Variants in MIPOL1 observed in about 807,000 individuals in gnomAD.
MIPOL1 encodes the protein mirror-image polydactyly 1.
MIPOL1 carries 57 observed loss-of-function variants against 60.9 expected under a neutral mutation model. The ratio of observed to expected loss-of-function variants is 0.94; its 90% CI spans 0.76 to 1.17. The LOEUF (loss-of-function observed/expected upper bound fraction) is 1.17, where lower values mean the gene tolerates loss of function less well. Ranked by LOEUF, MIPOL1 falls within the 50% of genes most tolerant of loss-of-function variation. The pLI is 0.00. For missense variants in MIPOL1, 551 were observed against 511.6 expected (o/e 1.08, Z -0.74); for synonymous variants, 179 against 168.8 (o/e 1.06, Z -0.47).
At chr14:37,520,010 A>G (rs1029080464) in intron 12 of MIPOL1, among the ~76,000 whole-genome samples, 7 of 152,128 alleles carry the variant, frequency 4.6e-5, no homozygotes, top group Non-Finnish European at 7.4e-5. Flanking sequence ...ATCAATCATC[A>G]TATCTATCAA....
At chr14:37,494,305 A>C (rs1327210909) in intron 11 of MIPOL1, among the ~76,000 whole-genome samples, 1 of 152,216 alleles carries the variant, frequency 6.6e-6, no homozygotes, top group African/African-American at 2.4e-5. Context: ...ACAAATTACA[A>C]GTTCTGAGAA....
intron 11 of MIPOL1, among the ~76,000 whole-genome samples, chr14:37,467,859 G>A (rs991300918): frequency 2.0e-5 from 3 of 151,872 alleles, no homozygotes; most frequent in African/African-American, 7.3e-5. Context: ...TTGAAGACCA[G>A]CCTGGCCAAC....
intron 11 of MIPOL1, among the ~76,000 whole-genome samples, chr14:37,440,718 T>C (rs2094229496): frequency 6.6e-6 from 1 of 152,216 alleles, no homozygotes; most frequent in African/African-American, 2.4e-5. Flanking sequence ...CCATTGTGGA[T>C]TGTGCTGTGA....
At chr14:37,540,284 C>T (rs1026190799) in intron 12 of MIPOL1, among the ~76,000 whole-genome samples, 2 of 152,188 alleles carry the variant, frequency 1.3e-5, no homozygotes, top group Admixed American at 6.5e-5. Flanking sequence ...ATTCATTCTT[C>T]AGTCTTTTTC....
At chr14:37,466,189 A>C (rs1022772510) in intron 11 of MIPOL1, among the ~76,000 whole-genome samples, 4 of 152,152 alleles carry the variant, frequency 2.6e-5, no homozygotes, top group Non-Finnish European at 5.9e-5. Context: ...TGTTTAGTAA[A>C]GTGAAAGGGG....
At chr14:37,303,031 T>G (rs2153429630) in intron 7 of MIPOL1, among the ~76,000 whole-genome samples, 1 of 152,072 alleles carries the variant, frequency 6.6e-6, no homozygotes, top group Non-Finnish European at 1.5e-5. Context: ...TACATGCAAT[T>G]TATGTTCATA....
At chr14:37,272,138 A>G (rs1289673573) in intron 6 of MIPOL1, among the ~76,000 whole-genome samples, 4 of 151,592 alleles carry the variant, frequency 2.6e-5, no homozygotes, top group Admixed American at 1.3e-4. Context: ...AAGATGTTTA[A>G]TAAAATATTT....
At chr14:37,238,709 G>A (rs146793410) in intron 1 of MIPOL1, among the ~76,000 whole-genome samples, 1 of 151,858 alleles carries the variant, frequency 6.6e-6, no homozygotes, top group East Asian at 1.9e-4. Context: ...CCAACACTTC[G>A]GAAGGTGGAC....
At chr14:37,295,403 GC>G (rs1228472336) in intron 7 of MIPOL1, among the ~76,000 whole-genome samples, 10 of 152,142 alleles carry the variant, frequency 6.6e-5, no homozygotes, top group Non-Finnish European at 1.3e-4. Context: ...CAACTAATAA[GC>G]AAAATAACCA....
chr14:37,551,967 T>C (rs544268410), downstream of MIPOL1: 47 of 151,754 alleles, frequency 3.1e-4, no homozygotes, highest in African/African-American at 1.1e-3. Context: ...TTTTGGAATA[T>C]GTACGTGGAA....
At chr14:37,306,494 A>G (rs2153432630) in intron 7 of MIPOL1, among the ~76,000 whole-genome samples, 1 of 152,020 alleles carries the variant, frequency 6.6e-6, no homozygotes, top group South Asian at 2.1e-4. Flanking sequence ...TGAAGTTTAT[A>G]AGCATTTTAA....
intron 10 of MIPOL1, among the ~76,000 whole-genome samples, chr14:37,371,404 A>G (rs965183182): frequency 6.6e-6 from 1 of 152,160 alleles, no homozygotes; most frequent in African/African-American, 2.4e-5. Context: ...GAAGACTACT[A>G]TCTAATTTAA....
At chr14:37,486,370 G>A (rs1454539543) in intron 11 of MIPOL1, among the ~76,000 whole-genome samples, 1 of 152,208 alleles carries the variant, frequency 6.6e-6, no homozygotes, top group East Asian at 1.9e-4. Flanking sequence ...AATTTTTTAA[G>A]AAAGTCAATG....
chr14:37,460,370 T>G (rs2153581372), intron 11 of MIPOL1, among the ~76,000 whole-genome samples: 1 of 152,062 alleles, frequency 6.6e-6, no homozygotes, highest in South Asian at 2.1e-4. Flanking sequence ...TACCTCAAAA[T>G]AATAAGAGCC....
At chr14:37,354,127 A>C (rs890627318) in intron 9 of MIPOL1, among the ~76,000 whole-genome samples, 1 of 151,600 alleles carries the variant, frequency 6.6e-6, no homozygotes, top group Non-Finnish European at 1.5e-5. Flanking sequence ...CGTTGGTTTC[A>C]AAGAACATCT....
intron 12 of MIPOL1, among the ~76,000 whole-genome samples, chr14:37,514,593 G>A (rs1016335928): frequency 4.0e-5 from 6 of 151,174 alleles, no homozygotes; most frequent in African/African-American, 1.5e-4. Flanking sequence ...TAGATATAAT[G>A]TATCTACTGG....
intron 1 of MIPOL1, among the ~76,000 whole-genome samples, chr14:37,202,762 T>G (rs1424096630): frequency 6.6e-6 from 1 of 152,238 alleles, no homozygotes; most frequent in Non-Finnish European, 1.5e-5. Flanking sequence ...TTGCCTGCAC[T>G]ACATTGCCAT....
chr14:37,335,830 A>G (rs577381063), intron 9 of MIPOL1, among the ~76,000 whole-genome samples: 67 of 152,228 alleles, frequency 4.4e-4, no homozygotes, highest in African/African-American at 1.6e-3. Context: ...TATGATTTAC[A>G]AATATTTTCT....
At chr14:37,368,282 G>A (rs758965577) in intron 9 of MIPOL1, among the ~76,000 whole-genome samples, 1 of 151,872 alleles carries the variant, frequency 6.6e-6, no homozygotes, top group Non-Finnish European at 1.5e-5. Context: ...TTTCATATTT[G>A]TACACAAACA....
Sources: gnomAD v4.1 joint callset for allele counts (sites outside exome capture counted in the v4.1 genomes callset) on GRCh38, gnomAD v4.1.1 for gene constraint, MANE v1.5 for transcripts, NCBI Gene and HGNC (gene_info 2026-07-23, HGNC 2026-07-21) for gene names.